TBC1D1: variants seen among roughly 807,000 people sequenced by gnomAD.
TBC1D1 encodes the protein TBC1 (tre-2/USP6, BUB2, cdc16) domain family, member 1.
In TBC1D1, 89 loss-of-function variants were observed where a neutral mutation model predicts 125.6. That is an observed-to-expected ratio of 0.71 (90% CI 0.60 to 0.85). The LOEUF (loss-of-function observed/expected upper bound fraction) is 0.85, where lower values mean the gene tolerates loss of function less well. Among genes scored for constraint, TBC1D1 ranks in the 40% least tolerant of loss-of-function variants. TBC1D1 has a pLI of 0.00. For missense variants in TBC1D1, 1,377 were observed against 1,469.2 expected (o/e 0.94, Z 1.03); for synonymous variants, 565 against 564.1 (o/e 1.00, Z -0.02).
At chr4:38,129,504 T>C (rs1765233682) in intron 18 of TBC1D1, among the ~76,000 whole-genome samples, 1 of 152,128 alleles carries the variant, frequency 6.6e-6, no homozygotes, top group Non-Finnish European at 1.5e-5. Context: ...CTACAGATAG[T>C]GTGTGCCCCC....
chr4:38,044,164 G>A (rs1290902578), intron 8 of TBC1D1, among the ~76,000 whole-genome samples, 198 bp from the exon 9 acceptor site: 4 of 152,190 alleles, frequency 2.6e-5, no homozygotes, highest in Non-Finnish European at 1.5e-5. Flanking sequence ...CATTTTACTT[G>A]GGGTAATCAA....
intron 1 of TBC1D1, among the ~76,000 whole-genome samples, chr4:37,899,440 G>C (rs1363419536): frequency 1.3e-5 from 2 of 152,184 alleles, no homozygotes; most frequent in Admixed American, 6.5e-5. Context: ...CCATTAGGGT[G>C]TATGTGGTAG....
rs558292607 is a variant in TBC1D1 at position 37,961,607 on chromosome 4, C to T, written c.418-52902C>T. ...AGATGTCTGGTGTCAATCCAGATCA[C>T]CTGAGAGGCTTCAGGGTTTCCTCTC... On this transcript the variant is annotated intron_variant, in intron 2 of 19. Coordinates refer to ENST00000261439, the MANE Select transcript of TBC1D1 (RefSeq NM_015173.4). Among the ~76,000 whole-genome samples, 191 of 152,312 alleles carry T rather than the reference C, an allele frequency of 1.3e-3. 1 individual carries two copies. The highest frequency in any genetic ancestry group is 6.8e-3 in the Middle Eastern group (2 of 294).
chr4:37,891,542 C>A (rs1033808149), intron 1 of TBC1D1, among the ~76,000 whole-genome samples, 194 bp downstream of exon 1: 4 of 140,428 alleles, frequency 2.8e-5, no homozygotes, highest in East Asian at 2.3e-4. Flanking sequence ...CTTACCCCCC[C>A]ACCCCCGCCG....
intron 10 of TBC1D1, among the ~76,000 whole-genome samples, chr4:38,048,537 ATTTC>A (rs1424311085): frequency 7.4e-6 from 1 of 135,528 alleles, no homozygotes; most frequent in East Asian, 2.1e-4. Flanking sequence ...TGGTAAACAC[ATTTC>A]TTTTTTTTTT....
Position 37,910,138 on chromosome 4 carries a change from A to T in TBC1D1, c.417+7626A>T, listed in dbSNP as rs529042340. ...TTTATTGTTTTACACATATGACTTT[A>T]TATAGCTTTGCATTTTTTACCAAAG... On this transcript the variant is annotated intron_variant, in intron 2 of 19. Coordinates refer to ENST00000261439, the MANE Select transcript of TBC1D1 (RefSeq NM_015173.4). 5.3e-5 allele frequency among the ~76,000 whole-genome samples: 8 copies of T among 152,326 alleles called. No individual in the cohort carries two copies. The South Asian group carries it at 1.7e-3, about 32-fold the overall frequency.
At chr4:37,957,251 C>T (rs1459555671) in intron 2 of TBC1D1, among the ~76,000 whole-genome samples, 1 of 152,222 alleles carries the variant, frequency 6.6e-6, no homozygotes, top group African/African-American at 2.4e-5. Context: ...TGATATGACA[C>T]ATGTTTTCAT....
chr4:38,103,832 G>A (rs893380516), intron 15 of TBC1D1, among the ~76,000 whole-genome samples: 1 of 152,082 alleles, frequency 6.6e-6, no homozygotes, highest in African/African-American at 2.4e-5. Flanking sequence ...ATTGTATTAG[G>A]TGTTATAGGT....
intron 2 of TBC1D1, among the ~76,000 whole-genome samples, chr4:37,969,862 A>G (rs1731716732): frequency 6.6e-6 from 1 of 152,192 alleles, no homozygotes; most frequent in African/African-American, 2.4e-5. Context: ...CATTGTCATC[A>G]CTGCAAAAAG....
chr4:37,896,090 G>A (rs1204682239), intron 1 of TBC1D1, among the ~76,000 whole-genome samples: 2 of 152,214 alleles, frequency 1.3e-5, no homozygotes, highest in South Asian at 2.1e-4. Flanking sequence ...AGAGCAATAT[G>A]AGTAGCTGCC....
At chr4:37,996,408 G>A (rs1428400964) in intron 2 of TBC1D1, among the ~76,000 whole-genome samples, 2 of 152,212 alleles carry the variant, frequency 1.3e-5, no homozygotes, top group African/African-American at 4.8e-5. Context: ...GGATTAAACT[G>A]CTTTTAACTA....
chr4:38,058,927 GA>G (rs1752255054), intron 12 of TBC1D1, among the ~76,000 whole-genome samples: 1 of 152,192 alleles, frequency 6.6e-6, no homozygotes, highest in Non-Finnish European at 1.5e-5. Flanking sequence ...TGTAAAAAGA[GA>G]AGAAAATACA....
Position 38,049,941 on chromosome 4 carries a change from T to TCTGTG in TBC1D1, c.1910+44_1910+48dup, listed in dbSNP as rs761059214. The TCTGTG allele has an allele frequency of 2.5e-6, 4 of 1,572,928 alleles. No individual in the cohort carries two copies. The South Asian group carries it at 4.7e-5, about 19-fold the overall frequency. On this transcript the variant is annotated intron_variant, in intron 11 of 19. Transcript: ENST00000261439. ...TTGTTGCATAAATAGCTGGGGCATATCTGTGACTAGCCAGGTATGTGCATC... is the reference window on the plus strand; with the variant it reads ...TTGTTGCATAAATAGCTGGGGCATATCTGTGCTGTGACTAGCCAGGTATGTGCATC...
chr4:37,988,961 A>G lies in TBC1D1; in HGVS notation c.418-25548A>G, dbSNP rs145452035. Among the ~76,000 whole-genome samples the G allele has an allele frequency of 7.2e-5, 11 of 152,312 alleles. No individual in the cohort carries two copies. The East Asian group carries it at 1.9e-3, about 27-fold the overall frequency. ...AGATCTCAAATTCCAGCCTAACTGC[A>G]GTCTGACATCACTTGACATAGCAGG... On this transcript the variant is annotated intron_variant, in intron 2 of 19. Transcript: ENST00000261439.
intron 6 of TBC1D1, among the ~76,000 whole-genome samples, chr4:38,024,464 T>C (rs1305013940): frequency 6.6e-6 from 1 of 152,212 alleles, no homozygotes; most frequent in Non-Finnish European, 1.5e-5. Context: ...AAAAGTTTGA[T>C]CAGGGTAGGG....
At chr4:38,022,509 G>A (rs1430658331) in intron 6 of TBC1D1, among the ~76,000 whole-genome samples, 1 of 152,204 alleles carries the variant, frequency 6.6e-6, no homozygotes, top group East Asian at 1.9e-4. Flanking sequence ...CCAGGAGAAG[G>A]CCATACTGGA....
chr4:38,016,719 G>A (rs1271655519), intron 3 of TBC1D1, among the ~76,000 whole-genome samples: 2 of 152,230 alleles, frequency 1.3e-5, no homozygotes, highest in African/African-American at 4.8e-5. Context: ...TGGCCGCACT[G>A]AAAACAAGGA....
intron 19 of TBC1D1, among the ~76,000 whole-genome samples, chr4:38,133,923 A>G (rs1481441560): frequency 6.6e-6 from 1 of 152,184 alleles, no homozygotes; most frequent in Non-Finnish European, 1.5e-5. Context: ...CACATCACCC[A>G]GGCACACTGC....
At chr4:37,960,764 C>G in intron 2 of TBC1D1, 1 of 1,614,124 alleles carries the variant, frequency 6.2e-7, no homozygotes, top group Non-Finnish European at 8.5e-7. Flanking sequence ...CAGATGACGC[C>G]TATCCAGAAA....
Sources: allele counts gnomAD v4.1 joint callset (sites outside exome capture counted in the v4.1 genomes callset), GRCh38; gene constraint gnomAD v4.1.1; transcripts MANE v1.5; gene names NCBI Gene and HGNC (gene_info 2026-07-23, HGNC 2026-07-21).